The following SCMH1 variants were observed in gnomAD, a reference collection of about 807,000 sequenced individuals.
SCMH1 encodes Scm polycomb group protein homolog 1, also known as polycomb protein SCMH1.
A neutral mutation model predicts 70.8 loss-of-function variants in SCMH1; 37 were observed. That is an observed-to-expected ratio of 0.52 (90% CI 0.40 to 0.69). SCMH1 has a LOEUF of 0.69. Among genes scored for constraint, SCMH1 ranks in the 30% least tolerant of loss-of-function variants. SCMH1 has a pLI of 0.00. For synonymous variants in SCMH1, 292 were observed against 307.4 expected (o/e 0.95, Z 0.52); for missense variants, 607 against 827.3 (o/e 0.73, Z 3.27).
At chr1:41,223,868 C>G (rs190982083) in intron 1 of SCMH1, among the ~76,000 whole-genome samples, 48 of 152,270 alleles carry the variant, frequency 3.2e-4, no homozygotes, top group Admixed American at 4.6e-4. Flanking sequence ...CTACAACACT[C>G]AAGGGATAGT....
chr1:41,048,978 TG>T lies in SCMH1; in HGVS notation c.1106-89del, dbSNP rs1647163188. On this transcript the variant is annotated intron_variant, in intron 10 of 14. Coordinates refer to ENST00000337495, the Ensembl canonical transcript of SCMH1. Reference sequence around the variant, plus strand: ...GCATCCTATTCCATCTTTTATACCTTGGCCTCTGGTTCCTAACAGAATTCCT... The same window carrying T: ...GCATCCTATTCCATCTTTTATACCTTGCCTCTGGTTCCTAACAGAATTCCT... The T allele has an allele frequency of 3.5e-5, 43 of 1,219,472 alleles. No homozygotes were observed. In the South Asian group the frequency reaches 6.0e-4, roughly 17 times the overall value. The allele number at this position is 1,219,472 out of a possible 1,614,324, so 75.5% of individuals were successfully genotyped here. A position where few individuals can be genotyped will look rare whatever the true frequency, so the allele number is the denominator to read the frequency against.
chr1:41,129,462 T>C (rs1674061841), intron 6 of SCMH1, among the ~76,000 whole-genome samples: 1 of 152,208 alleles, frequency 6.6e-6, no homozygotes, highest in Non-Finnish European at 1.5e-5. Context: ...TATTTGTGCT[T>C]TTATAACTGG....
intron 1 of SCMH1, among the ~76,000 whole-genome samples, chr1:41,232,462 C>G (rs1037515658): frequency 6.6e-6 from 1 of 152,184 alleles, no homozygotes; most frequent in Non-Finnish European, 1.5e-5. Context: ...TCAATTCCTG[C>G]AAGTAAACTT....
chr1:41,045,192 C>T (rs1300189094), intron 12 of SCMH1, among the ~76,000 whole-genome samples: 1 of 152,122 alleles, frequency 6.6e-6, no homozygotes, highest in African/African-American at 2.4e-5. Context: ...GTCAGAATGC[C>T]TTTTTCTTTT....
At chr1:41,115,780 ATTCTT>A (rs1174722946) in intron 7 of SCMH1, among the ~76,000 whole-genome samples, 1 of 152,130 alleles carries the variant, frequency 6.6e-6, no homozygotes, top group Admixed American at 6.5e-5. Context: ...CATCTTTCAT[ATTCTT>A]TTATTTTCTT....
In SCMH1 at chr1:41,161,371, T is replaced by C. The variant is rs376410195; in HGVS notation, c.75A>G (p.Gln25=). 307 of 1,550,558 alleles carry C rather than the reference T, an allele frequency of 2.0e-4. 4 individuals are homozygous for C. The South Asian group carries it at 3.4e-3, about 17-fold the overall frequency. ...GAGTTTTTTCCCCCTTACCTTGATA[T>C]TGGGATGCAGACTCTGATAGGTGAC... The change falls in exon 3 of 15, where the codon CAA becomes CAG. Residue 25 remains glutamine (Q), a synonymous_variant. Transcript: ENST00000337495.
At chr1:41,206,670 C>G (rs1252995812) in intron 1 of SCMH1, among the ~76,000 whole-genome samples, 1 of 152,130 alleles carries the variant, frequency 6.6e-6, no homozygotes, top group Non-Finnish European at 1.5e-5. Flanking sequence ...GGCCAACATT[C>G]AAATTCAGGA....
intron 6 of SCMH1, among the ~76,000 whole-genome samples, chr1:41,132,119 C>T (rs1053287968): frequency 6.6e-6 from 1 of 152,158 alleles, no homozygotes; most frequent in Non-Finnish European, 1.5e-5. Flanking sequence ...TGAAGAATCG[C>T]GACACTGTCT....
At chr1:41,045,916 G>A (rs1646846208) in intron 12 of SCMH1, 1 of 152,864 alleles carries the variant, frequency 6.5e-6, no homozygotes, top group African/African-American at 2.4e-5. Flanking sequence ...GAAATAGCAG[G>A]AACTTGAATT....
rs545317030 is a variant in SCMH1, at chr1:41,115,933, G to A, written c.501+989C>T. The stretch of plus-strand genomic sequence containing the variant: ...ATTTTTAAAAATCTGATCTATGTAT[G>A]ATTATAATGAGCTTAAGCTCATTTC... On this transcript the variant is annotated intron_variant, in intron 7 of 14. Coordinates refer to ENST00000337495, the Ensembl canonical transcript of SCMH1. 5.9e-5 allele frequency among the ~76,000 whole-genome samples: 9 copies of A among 152,252 alleles called. No homozygotes were observed. In the East Asian group the frequency reaches 1.5e-3, roughly 26 times the overall value.
At chr1:41,098,883 A>G (rs543930802) in intron 8 of SCMH1, 3 of 181,120 alleles carry the variant, frequency 1.7e-5, no homozygotes, top group South Asian at 2.4e-4. Flanking sequence ...GGAGAAAGAA[A>G]TAAGCGTGAC....
rs539636909 is a variant in SCMH1, at chr1:41,094,956, G to A, written c.745+18327C>T. ...TGCTCAAATGATACCTTTCAGTGAA[G>A]CTTTCCCTCATCATCCTATATAAAA... On this transcript the variant is annotated intron_variant, in intron 8 of 14. Coordinates refer to ENST00000337495, the Ensembl canonical transcript of SCMH1. 4.0e-5 allele frequency among the ~76,000 whole-genome samples: 6 copies of A among 151,794 alleles called. No individual in the cohort carries two copies. The East Asian group carries it at 1.2e-3, about 29-fold the overall frequency.
chr1:41,040,883 CAAAA>C (rs1336429493), intron 12 of SCMH1, among the ~76,000 whole-genome samples: 1 of 147,044 alleles, frequency 6.8e-6, no homozygotes, highest in Non-Finnish European at 1.5e-5. Context: ...AAACAGAAAA[CAAAA>C]AACAAAAACA....
At chr1:41,139,789 A>G (rs946831301) in intron 6 of SCMH1, among the ~76,000 whole-genome samples, 1 of 152,210 alleles carries the variant, frequency 6.6e-6, no homozygotes, top group African/African-American at 2.4e-5. Context: ...CTATGGCAGA[A>G]GGAAAGACCA....
intron 8 of SCMH1, among the ~76,000 whole-genome samples, chr1:41,091,664 G>T (rs1295065372): frequency 6.6e-6 from 1 of 152,168 alleles, no homozygotes; most frequent in African/African-American, 2.4e-5. Flanking sequence ...ATCTCCTTAA[G>T]CTGATACGCA....
intron 2 of SCMH1, among the ~76,000 whole-genome samples, chr1:41,163,978 G>A (rs1055887239): frequency 7.9e-5 from 12 of 152,000 alleles, no homozygotes; most frequent in African/African-American, 2.4e-4. Context: ...CATATAAGGA[G>A]AATATATTTT....
chr1:41,206,953 G>A (rs2148764657), intron 1 of SCMH1, among the ~76,000 whole-genome samples: 1 of 152,266 alleles, frequency 6.6e-6, no homozygotes, highest in East Asian at 1.9e-4. Flanking sequence ...CTTCATAAGT[G>A]AAGGAGAAAT....
At chr1:41,065,520 A>C (rs1654290456) in intron 10 of SCMH1, among the ~76,000 whole-genome samples, 1 of 152,238 alleles carries the variant, frequency 6.6e-6, no homozygotes, top group South Asian at 2.1e-4. Context: ...AAGAGGCAAA[A>C]GACCCAGAAC....
At chr1:41,242,190 G>A (rs1254314505), upstream of SCMH1, 1 of 146,934 alleles carries the variant, frequency 6.8e-6, no homozygotes, top group East Asian at 2.0e-4. This position sits in a 1 kb window ranked among gnomAD's most constrained non-coding sequence, Gnocchi z 5.2. Context: ...GGGCGGCGGG[G>A]GGCTCCACCG....
Sources: gnomAD v4.1 joint callset for allele counts (sites outside exome capture counted in the v4.1 genomes callset) on GRCh38, gnomAD v4.1.1 for gene constraint, Gnocchi (gnomAD v3.1) non-coding constraint, MANE v1.5 for transcripts, NCBI Gene and HGNC (gene_info 2026-07-23, HGNC 2026-07-21) for gene names.